The following TRMT2B variants were observed in gnomAD, a reference collection of about 807,000 sequenced individuals.
TRMT2B encodes the protein tRNA methyltransferase 2B.
Under a neutral mutation model 39.7 loss-of-function variants are expected in TRMT2B, and 34 were observed. That is an observed-to-expected ratio of 0.86 (90% CI 0.65 to 1.14). The LOEUF is 1.14. Ranked by LOEUF, TRMT2B falls within the 50% of genes most tolerant of loss-of-function variation. The pLI is 0.00. For synonymous variants in TRMT2B, 132 were observed against 137.3 expected, an observed-to-expected ratio of 0.96 and a Z score of 0.27; for missense variants, 318 against 377.2, an observed-to-expected ratio of 0.84 and a Z score of 1.30.
chrX:100,974,603 AAG>A, the TRMT2B span, among the ~76,000 whole-genome samples: 1 of 111,769 alleles, frequency 8.9e-6, no homozygotes, highest in African/African-American at 3.3e-5. Context: ...TGGTCTAGAT[AAG>A]AGAGACAAGT....
the TRMT2B span, among the ~76,000 whole-genome samples, chrX:100,981,815 A>G: frequency 9.4e-6 from 1 of 106,186 alleles, no homozygotes; most frequent in Non-Finnish European, 1.9e-5. Context: ...TCTCAAAAAA[A>G]GAAAAAAATA....
At chrX:101,038,681 A>C (rs2088015249) in intron 4 of TRMT2B, among the ~76,000 whole-genome samples, 1 of 112,089 alleles carries the variant, frequency 8.9e-6, no homozygotes, top group Non-Finnish European at 1.9e-5. Context: ...CTACGTATAC[A>C]GTGGCCACTA....
the TRMT2B span, chrX:100,987,667 G>A: frequency 1.1e-6 from 1 of 874,279 alleles, no homozygotes; most frequent in Non-Finnish European, 1.6e-6. Context: ...CATTGAGCAA[G>A]TCTCTTGATA....
In TRMT2B at chrX:101,036,538, C is replaced by T. The variant is rs1000212027; in HGVS notation, c.538+436G>A. Among the ~76,000 whole-genome samples the T allele has an allele frequency of 9.0e-4, 99 of 109,478 alleles. 1 individual carries two copies. Among genetic ancestry groups the T allele is most frequent in the African/African-American group, 3.3e-3 (98 of 30,076 alleles). ...AATATGCCACTGTGATTCCCCTCAC[C>T]GATACACACCTCCCCTACCAATTCT... On this transcript the variant is annotated intron_variant, in intron 6 of 13. Coordinates refer to ENST00000372936, the MANE Select transcript of TRMT2B (RefSeq NM_024917.6).
At chrX:100,983,727 T>G in the TRMT2B span, among the ~76,000 whole-genome samples, 6 of 111,709 alleles carry the variant, frequency 5.4e-5, no homozygotes, top group African/African-American at 9.8e-5. Context: ...TGAAAATTAT[T>G]TTATCTGAAA....
intron 2 of TRMT2B, among the ~76,000 whole-genome samples, chrX:101,042,749 G>T (rs1278231719): frequency 8.9e-6 from 1 of 111,797 alleles, no homozygotes; most frequent in Non-Finnish European, 1.9e-5. Context: ...AACACAGTAT[G>T]CTTGGTTCCT....
the TRMT2B span, among the ~76,000 whole-genome samples, chrX:101,001,123 C>T: frequency 1.8e-5 from 2 of 111,092 alleles, no homozygotes; most frequent in African/African-American, 6.5e-5. Context: ...GGTTCACAAC[C>T]TTGACTGCAT....
the TRMT2B span, among the ~76,000 whole-genome samples, chrX:100,992,069 T>C: frequency 9.0e-6 from 1 of 111,473 alleles, no homozygotes; most frequent in Admixed American, 9.6e-5. Flanking sequence ...TAAAGGCAAA[T>C]ATTAAAGGTG....
At chrX:101,013,966 A>C (rs1298368605) in intron 13 of TRMT2B, among the ~76,000 whole-genome samples, 2 of 110,241 alleles carry the variant, frequency 1.8e-5, no homozygotes, top group Non-Finnish European at 3.8e-5. Context: ...TCACGCCTAT[A>C]GTCCCAGCTA....
At chrX:100,977,677 G>A in the TRMT2B span, among the ~76,000 whole-genome samples, 1 of 111,657 alleles carries the variant, frequency 9.0e-6, no homozygotes, top group African/African-American at 3.3e-5. Context: ...CACCACACCC[G>A]GCTGTGTCCT....
chrX:101,025,028 T>G (rs2148020725), intron 7 of TRMT2B, among the ~76,000 whole-genome samples: 1 of 110,751 alleles, frequency 9.0e-6, no homozygotes, highest in South Asian at 3.9e-4. Flanking sequence ...CCTGTAACTT[T>G]ACAGAGGATG....
At chrX:100,988,268 A>G in the TRMT2B span, 2 of 1,207,612 alleles carry the variant, frequency 1.7e-6, no homozygotes, top group Admixed American at 4.4e-5. Flanking sequence ...CTAAGCCTCT[A>G]AAGTCAATCC....
At chrX:101,024,037 G>A (rs897893593) in intron 7 of TRMT2B, among the ~76,000 whole-genome samples, 14 of 110,449 alleles carry the variant, frequency 1.3e-4, no homozygotes, top group Admixed American at 6.9e-4. Flanking sequence ...TAGTAGACAC[G>A]AGGTTTCACC....
the TRMT2B span, among the ~76,000 whole-genome samples, chrX:100,984,118 GTT>G: frequency 1.0e-5 from 1 of 97,961 alleles, no homozygotes. Flanking sequence ...TTTGTTTTTT[GTT>G]TTTTTTTTTT....
chrX:101,050,594 C>A (rs1025339603), intron 2 of TRMT2B, among the ~76,000 whole-genome samples: 8 of 110,754 alleles, frequency 7.2e-5, no homozygotes, highest in African/African-American at 2.3e-4. Context: ...TGTGGTGGCG[C>A]ACGCCTGTAA....
At chrX:100,975,648 T>C in the TRMT2B span, among the ~76,000 whole-genome samples, 1 of 103,798 alleles carries the variant, frequency 9.6e-6, no homozygotes, top group Non-Finnish European at 1.9e-5. Flanking sequence ...TTTTTTTTTC[T>C]CTGAGACAGA....
In TRMT2B at chrX:101,051,402, C is replaced by G. The variant is rs2089084820; in HGVS notation, c.-175G>C. On this transcript the variant is annotated 5_prime_UTR_variant, in exon 2 of 14. Transcript: ENST00000372936. Reference sequence around the variant, plus strand: ...CAAGCAAATGGGTTGACTGCTGTGTCGTGTCCCGAATGCAGCCCACAGGCA... The same window carrying G: ...CAAGCAAATGGGTTGACTGCTGTGTGGTGTCCCGAATGCAGCCCACAGGCA... 2 of 752,760 alleles carry G rather than the reference C, an allele frequency of 2.7e-6. No homozygotes were observed. The highest frequency in any genetic ancestry group is 3.1e-6 in the Non-Finnish European group (2 of 639,208). The allele number at this position is 752,760 out of a possible 1,213,427, so 62.0% of individuals were successfully genotyped here.
chrX:100,986,799 A>G, the TRMT2B span: 3 of 1,187,366 alleles, frequency 2.5e-6, no homozygotes, highest in East Asian at 9.1e-5. Context: ...GTTTTAGTTT[A>G]GCAAACAAAC....
In TRMT2B at chrX:101,051,248, C is replaced by T; in HGVS notation, c.-24+3G>A. On this transcript the variant is annotated splice_donor_region_variant and intron_variant, in intron 2 of 13. Transcript: ENST00000372936. ...ATCAAAGAGACTATGTGGTAGGTCT[C>T]ACCTGCGCAGGGCCAAGGATCCCTT... 1 of 752,070 alleles carries T rather than the reference C, an allele frequency of 1.3e-6. No individual in the cohort carries two copies. Among genetic ancestry groups the T allele is most frequent in the Non-Finnish European group, 1.6e-6 (1 of 637,706 alleles). The allele number at this position is 752,070 out of a possible 1,213,427, so 62.0% of individuals were successfully genotyped here.
Sources: gnomAD v4.1 joint callset for allele counts (sites outside exome capture counted in the v4.1 genomes callset) on GRCh38, gnomAD v4.1.1 for gene constraint, MANE v1.5 for transcripts, NCBI Gene and HGNC (gene_info 2026-07-23, HGNC 2026-07-21) for gene names.